TBK1: variants seen among roughly 807,000 people sequenced by gnomAD.
TBK1 encodes the protein TANK binding kinase 1, also known as serine/threonine-protein kinase TBK1.
Under a neutral mutation model 99.9 loss-of-function variants are expected in TBK1, and 37 were observed. The observed-to-expected ratio is 0.37, with a 90% CI of 0.28 to 0.49. The LOEUF (loss-of-function observed/expected upper bound fraction) is 0.49. TBK1 is among the 20% of genes least tolerant of loss of function. The pLI is 0.98. For synonymous variants in TBK1, 258 were observed against 279.8 expected, an observed-to-expected ratio of 0.92 and a Z score of 0.78; for missense variants, 644 against 872.5, an observed-to-expected ratio of 0.74 and a Z score of 3.30.
intron 20 of TBK1, 133 bp downstream of exon 20, chr12:64,498,172 C>A: frequency 1.4e-6 from 1 of 708,442 alleles, no homozygotes; most frequent in East Asian, 3.0e-5. Context: ...GTTTTTCTCT[C>A]TATGATTGTG....
At chr12:64,488,419 TATA>T in intron 11 of TBK1, 65 bp from the exon 12 acceptor site, 1 of 871,082 alleles carries the variant, frequency 1.1e-6, no homozygotes, top group Non-Finnish European at 1.7e-6. Context: ...AGTACTGCAG[TATA>T]ATTAGTGATA....
At chr12:64,496,838 G>A in intron 16 of TBK1, 111 bp from the exon 17 acceptor site, 1 of 684,286 alleles carries the variant, frequency 1.5e-6, no homozygotes, top group East Asian at 2.9e-5. Flanking sequence ...ATATTCTAAA[G>A]CCACAACAAT....
chr12:64,460,830 C>A, intron 3 of TBK1, among the ~76,000 whole-genome samples: 2 of 133,276 alleles, frequency 1.5e-5, no homozygotes, highest in African/African-American at 5.6e-5. Context: ...GAGACTCCAT[C>A]TCAAAAAAAA....
chr12:64,495,450 G>A (rs2040915636), intron 13 of TBK1, 33 bp from the exon 14 acceptor site: 1 of 1,605,642 alleles, frequency 6.2e-7, no homozygotes, highest in African/African-American at 1.3e-5. Flanking sequence ...CTGGCTTTTG[G>A]CAATCTGGAT....
chr12:64,497,611 G>GGGT (rs540852923), intron 18 of TBK1, 37 bp from the exon 19 acceptor site: 7 of 1,173,650 alleles, frequency 6.0e-6, no homozygotes, highest in Non-Finnish European at 4.7e-6. Context: ...GATTAATGTG[G>GGGT]GGTTTTTTTC....
At chr12:64,472,466 T>C (rs760483484) in intron 5 of TBK1, among the ~76,000 whole-genome samples, 6 of 152,200 alleles carry the variant, frequency 3.9e-5, no homozygotes, top group Non-Finnish European at 8.8e-5. Flanking sequence ...TACGTACACT[T>C]TTCAAGATTT....
At chr12:64,452,717 A>C (rs1420062269) in intron 1 of TBK1, 1 of 152,244 alleles carries the variant, frequency 6.6e-6, no homozygotes, top group Non-Finnish European at 1.5e-5. Flanking sequence ...GTTGACTCAC[A>C]CCGGAAATTA....
intron 19 of TBK1, 74 bp from the exon 20 acceptor site, chr12:64,497,894 A>C (rs2040946383): frequency 5.4e-6 from 8 of 1,482,076 alleles, no homozygotes; most frequent in Non-Finnish European, 6.5e-6. Context: ...CAGTTAAAAG[A>C]AAATAAAACA....
At chr12:64,479,059 A>G (rs2040741491) in intron 6 of TBK1, among the ~76,000 whole-genome samples, 1 of 152,240 alleles carries the variant, frequency 6.6e-6, no homozygotes, top group Non-Finnish European at 1.5e-5. Flanking sequence ...ATGCTAAAGA[A>G]TGTTCAGAGG....
chr12:64,458,896 G>A (rs1012377520), intron 2 of TBK1, among the ~76,000 whole-genome samples: 2 of 152,146 alleles, frequency 1.3e-5, no homozygotes, highest in South Asian at 4.1e-4. Flanking sequence ...TCATATGTGT[G>A]AAAATGGTCA....
chr12:64,473,328 A>G (rs572890992), intron 5 of TBK1, among the ~76,000 whole-genome samples: 1 of 152,342 alleles, frequency 6.6e-6, no homozygotes, highest in African/African-American at 2.4e-5. Context: ...GGCAGTTATA[A>G]TAAGCATGGA....
intron 1 of TBK1, among the ~76,000 whole-genome samples, chr12:64,454,371 C>T (rs1358961419): frequency 6.6e-6 from 1 of 152,042 alleles, no homozygotes; most frequent in Non-Finnish European, 1.5e-5. Flanking sequence ...CTCAGCCTCC[C>T]GAGTAGCTGG....
intron 11 of TBK1, 63 bp downstream of exon 11, chr12:64,486,080 T>G (rs999105777): frequency 1.7e-6 from 2 of 1,169,212 alleles, no homozygotes; most frequent in African/African-American, 1.6e-5. Context: ...TCATTGATAT[T>G]TTCTCTCTTC....
intron 8 of TBK1, among the ~76,000 whole-genome samples, chr12:64,482,747 G>C (rs2040780025): frequency 6.6e-6 from 1 of 152,182 alleles, no homozygotes; most frequent in South Asian, 2.1e-4. Context: ...TCGTAGCCTA[G>C]GAGCAGTAGG....
At position 64,490,069 on chromosome 12, in the gene TBK1, G is replaced by A. The variant is rs2040854809; in HGVS notation, c.1471G>A (p.Glu491Lys). The A allele has an allele frequency of 1.2e-6, 2 of 1,610,336 alleles. No individual in the cohort carries two copies. The highest frequency in any genetic ancestry group is 2.7e-5 in the African/African-American group (2 of 74,738). The change falls in exon 13 of 21, where the codon GAA becomes AAA. Residue 491 changes from glutamate (E) to lysine (K), a missense_variant. Physicochemically the swap from Glu to Lys is moderately conservative, Grantham distance 56. Transcript: ENST00000331710. ...TGAAAAGTTGATGAAGATCAACCTGGAAGCGGCAGAGTTAGGTGAAATTTC... is the reference window on the plus strand; with the variant it reads ...TGAAAAGTTGATGAAGATCAACCTGAAAGCGGCAGAGTTAGGTGAAATTTC... ...VYEKLMKINLEAAELGEISDI... is the reference protein window; with the variant it reads ...VYEKLMKINLKAAELGEISDI...
intron 5 of TBK1, among the ~76,000 whole-genome samples, chr12:64,472,048 G>T (rs565364305): frequency 6.6e-6 from 1 of 151,704 alleles, no homozygotes; most frequent in South Asian, 2.1e-4. Context: ...CAGCTGCTAG[G>T]TCAAAGGTTT....
chr12:64,501,265 TG>T (rs373874842), intron 20 of TBK1, 64 bp from the exon 21 acceptor site: 2 of 1,474,052 alleles, frequency 1.4e-6, no homozygotes, highest in Non-Finnish European at 9.4e-7. Context: ...ATTTTAAGGT[TG>T]GGGGCCTTTA....
intron 3 of TBK1, among the ~76,000 whole-genome samples, chr12:64,460,547 C>T (rs1009250018): frequency 2.0e-5 from 3 of 151,872 alleles, no homozygotes; most frequent in South Asian, 2.1e-4. Context: ...AGGGGGCGGC[C>T]GGCTGCGGCT....
intron 2 of TBK1, among the ~76,000 whole-genome samples, chr12:64,458,082 A>G (rs1425952849): frequency 2.4e-5 from 3 of 122,866 alleles, no homozygotes; most frequent in Non-Finnish European, 5.1e-5. Context: ...CCCTGTCTCT[A>G]CTAAACACAC....
Sources: gnomAD v4.1 joint callset for allele counts (sites outside exome capture counted in the v4.1 genomes callset) on GRCh38, gnomAD v4.1.1 for gene constraint, MANE v1.5 for transcripts, NCBI Gene and HGNC (gene_info 2026-07-23, HGNC 2026-07-21) for gene names.